USP53: variants seen among roughly 807,000 people sequenced by gnomAD.
The protein encoded by USP53 is ubiquitin specific peptidase 53.
In USP53, 71 loss-of-function variants were observed where a neutral mutation model predicts 94.9. The observed-to-expected ratio is 0.75, with a 90% CI of 0.62 to 0.91. The LOEUF is 0.91. Ranked by LOEUF, USP53 falls within the 40% of genes least tolerant of loss-of-function variation. The probability of loss-of-function intolerance (pLI) is 0.00; values close to 1 mark genes in which losing one functional copy is unlikely to be tolerated. For synonymous variants in USP53, 375 were observed against 422.7 expected, an observed-to-expected ratio of 0.89 and a Z score of 1.39; for missense variants, 1,173 against 1,281.0, an observed-to-expected ratio of 0.92 and a Z score of 1.29.
intron 17 of USP53, among the ~76,000 whole-genome samples, chr4:119,283,363 T>C (rs1753722607): frequency 6.6e-6 from 1 of 151,924 alleles, no homozygotes; most frequent in African/African-American, 2.4e-5. Flanking sequence ...GCAACAGGGA[T>C]AGAAGCGAAA....
intron 17 of USP53, among the ~76,000 whole-genome samples, chr4:119,274,273 G>A (rs1752288520): frequency 8.8e-6 from 1 of 113,452 alleles, no homozygotes; most frequent in Non-Finnish European, 1.7e-5. Context: ...GCAGTCCCCA[G>A]AGTGTGATAT....
Position 119,261,859 on chromosome 4 carries a change from A to G in USP53, c.967A>G (p.Lys323Glu), listed in dbSNP as rs1398866976. The G allele has an allele frequency of 2.0e-6, 3 of 1,470,780 alleles. No homozygotes were observed. The African/African-American group carries it at 4.2e-5, about 20-fold the overall frequency. 91.1% of individuals were successfully genotyped at this position (1,470,780 alleles called of 1,614,324 possible). Residue 323 changes from lysine (K) to glutamate (E), a missense_variant, in exon 12 of 19, where the codon AAA becomes GAA. Transcript: ENST00000692078. Reference sequence around the variant, plus strand: ...GGTATTTTTTGATGATGCAAATGTGAAAGAGGTAAGTGACACTTTCTTTAA... The same window carrying G: ...GGTATTTTTTGATGATGCAAATGTGGAAGAGGTAAGTGACACTTTCTTTAA... ...KWVFFDDANV[K>E]EIGTRWKDVV...
chr4:119,270,707 A>C (rs1751747347), intron 15 of USP53, among the ~76,000 whole-genome samples: 1 of 152,146 alleles, frequency 6.6e-6, no homozygotes. Context: ...GCATAATTTA[A>C]CTGATAGTGA....
intron 3 of USP53, among the ~76,000 whole-genome samples, chr4:119,227,151 C>CA (rs1745361840): frequency 6.6e-6 from 1 of 152,062 alleles, no homozygotes; most frequent in East Asian, 1.9e-4. Flanking sequence ...TAATTTTTGA[C>CA]AAAGTATTCC....
In USP53 at chr4:119,267,655, C is replaced by T. The variant is rs182338028; in HGVS notation, c.1135+173C>T. On this transcript the variant is annotated intron_variant, in intron 13 of 18. Transcript: ENST00000692078. ...TATTTTGGAATGAACCTTTTCTCAT[C>T]GGTGGCCTCAGAAGCACCTTCAGGA... 7.6e-3 allele frequency among the ~76,000 whole-genome samples: 1,153 copies of T among 152,250 alleles called. 9 individuals are homozygous for T. Among genetic ancestry groups the T allele is most frequent in the Admixed American group, 0.015 (236 of 15,288 alleles).
intron 7 of USP53, among the ~76,000 whole-genome samples, chr4:119,253,176 C>A (rs533714192): frequency 4.8e-4 from 73 of 151,046 alleles, no homozygotes; most frequent in African/African-American, 1.7e-3. Context: ...TTAGGTGCTG[C>A]GAAGAATATA....
Position 119,267,361 on chromosome 4 carries a change from A to G in USP53, c.1014A>G (p.Arg338=). The change falls in exon 13 of 19, where the codon CGA becomes CGG. Residue 338 remains arginine, a synonymous_variant. Coordinates refer to ENST00000692078, the MANE Select transcript of USP53 (RefSeq NM_001371395.1). The stretch of plus-strand genomic sequence containing the variant: ...AAGATGTTGTCTCCAAATGCATTCG[A>G]TGCCACTTTCAGCCACTACTTTTGT... The part of the protein sequence containing the change: ...RWKDVVSKCI[R]CHFQPLLLFY... The G allele has an allele frequency of 6.2e-7, 1 of 1,614,092 alleles. No individual in the cohort carries two copies. The highest frequency in any genetic ancestry group is 8.5e-7 in the Non-Finnish European group (1 of 1,180,000).
chr4:119,249,968 G>A (rs1461578385), intron 7 of USP53, among the ~76,000 whole-genome samples: 1 of 151,946 alleles, frequency 6.6e-6, no homozygotes, highest in Admixed American at 6.6e-5. Context: ...CTGGCCTTAT[G>A]TCCTATTTTT....
intron 15 of USP53, 25 bp from the exon 16 acceptor site, chr4:119,271,271 T>C (rs771248098): frequency 1.3e-6 from 2 of 1,526,080 alleles, no homozygotes; most frequent in Admixed American, 4.6e-5. Flanking sequence ...GTAATTCATG[T>C]GTATCTTTAA....
intron 9 of USP53, among the ~76,000 whole-genome samples, chr4:119,257,434 C>T (rs374628955): frequency 1.3e-5 from 2 of 152,054 alleles, no homozygotes; most frequent in South Asian, 2.1e-4. Flanking sequence ...AGCAAGATTA[C>T]GTCTCACAAA....
intron 3 of USP53, chr4:119,221,433 CA>C (rs200028525): frequency 1.0e-4 from 14 of 138,110 alleles, no homozygotes; most frequent in Non-Finnish European, 7.9e-5. Context: ...GACCCCAGCT[CA>C]AAAAAAAAAA....
At chr4:119,233,029 A>C (rs913005504) in intron 3 of USP53, among the ~76,000 whole-genome samples, 2 of 151,736 alleles carry the variant, frequency 1.3e-5, no homozygotes, top group Admixed American at 1.3e-4. Flanking sequence ...TTCTTGTATT[A>C]ATTTTGGTAA....
chr4:119,251,584 A>G (rs762531857), intron 7 of USP53, among the ~76,000 whole-genome samples: 11 of 151,804 alleles, frequency 7.2e-5, no homozygotes, highest in Non-Finnish European at 1.3e-4. Context: ...TTGACTTTTT[A>G]ATGATAGAGT....
chr4:119,217,038 A>T (rs1314855315), intron 2 of USP53, among the ~76,000 whole-genome samples: 2 of 152,168 alleles, frequency 1.3e-5, no homozygotes, highest in Admixed American at 6.5e-5. Flanking sequence ...TTGATTATAG[A>T]TGATGAAACT....
chr4:119,269,741 G>A lies in USP53; in HGVS notation c.1339G>A (p.Glu447Lys), dbSNP rs868627552. ...GGAAAAGATAAAAGACATTTCCAGA[G>A]AATGTGCTCTGAAAGCTATTGAACA... ...QREKIKDISR[E>K]CALKAIEQKN... The change falls in exon 15 of 19, where the codon GAA (glutamate) becomes AAA (lysine). Residue 447 changes from glutamate (E) to lysine (K), a missense_variant. Physicochemically the swap from Glu to Lys is moderately conservative, Grantham distance 56. Coordinates refer to ENST00000692078, the MANE Select transcript of USP53 (RefSeq NM_001371395.1). 1 of 1,505,790 alleles carries A rather than the reference G, an allele frequency of 6.6e-7. No homozygotes were observed. Among genetic ancestry groups the A allele is most frequent in the Non-Finnish European group, 8.9e-7 (1 of 1,129,434 alleles). The allele number at this position is 1,505,790 out of a possible 1,614,324, so 93.3% of individuals were successfully genotyped here.
chr4:119,252,767 T>C (rs1014776681), intron 7 of USP53, among the ~76,000 whole-genome samples: 6 of 152,186 alleles, frequency 3.9e-5, no homozygotes, highest in African/African-American at 9.6e-5. Context: ...ATTTCTTGTC[T>C]TCTGCTAGTT....
At chr4:119,287,281 T>C (rs1754218885) in intron 17 of USP53, among the ~76,000 whole-genome samples, 1 of 152,086 alleles carries the variant, frequency 6.6e-6, no homozygotes, top group South Asian at 2.1e-4. Context: ...AAATCTTAAA[T>C]GAATGCCAGA....
intron 17 of USP53, among the ~76,000 whole-genome samples, chr4:119,285,769 GC>G (rs1039640406): frequency 4.0e-5 from 6 of 151,822 alleles, no homozygotes; most frequent in African/African-American, 1.4e-4. Flanking sequence ...ACTTTTGTCA[GC>G]CGATTTTTTT....
In USP53 at chr4:119,257,396, C is replaced by T. The variant is rs202011483; in HGVS notation, c.569+873C>T. 6.0e-4 allele frequency among the ~76,000 whole-genome samples: 91 copies of T among 152,176 alleles called. No individual in the cohort carries two copies. The East Asian group carries it at 9.9e-3, about 16-fold the overall frequency. ...TGGAGGTTGCAGTGAGCTGAGATTG[C>T]GCCACTGCACTCCAGCCTGGGTGAT... On this transcript the variant is annotated intron_variant, in intron 9 of 18. Coordinates refer to ENST00000692078, the MANE Select transcript of USP53 (RefSeq NM_001371395.1).
Sources: allele counts gnomAD v4.1 joint callset (sites outside exome capture counted in the v4.1 genomes callset), GRCh38; gene constraint gnomAD v4.1.1; transcripts MANE v1.5; gene names NCBI Gene and HGNC (gene_info 2026-07-23, HGNC 2026-07-21).